The following ZNF565 variants were observed in gnomAD, a reference collection of about 807,000 sequenced individuals.
ZNF565 encodes the protein zinc finger protein 565.
A neutral mutation model predicts 39.4 loss-of-function variants in ZNF565; 27 were observed. The observed-to-expected ratio is 0.69, with a 90% confidence interval of 0.51 to 0.95. The LOEUF (loss-of-function observed/expected upper bound fraction) is 0.95, where lower values mean the gene tolerates loss of function less well. ZNF565 is among the 40% of genes least tolerant of loss of function. ZNF565 has a pLI of 0.00. For missense variants in ZNF565, 524 were observed against 621.1 expected (o/e 0.84, Z 1.66); for synonymous variants, 185 against 216.6 (o/e 0.85, Z 1.28).
At chr19:36,216,220 AACTT>A (rs1309122075), upstream of ZNF565, among the ~76,000 whole-genome samples, 1 of 152,238 alleles carries the variant, frequency 6.6e-6, no homozygotes, top group Non-Finnish European at 1.5e-5. Flanking sequence ...TTGTGGAAGA[AACTT>A]AAAGGTTCAG....
chr19:36,217,399 GAAGA>G (rs967305175), upstream of ZNF565, among the ~76,000 whole-genome samples: 47 of 151,988 alleles, frequency 3.1e-4, no homozygotes, highest in African/African-American at 1.1e-3. Flanking sequence ...GAGAGAGAGA[GAAGA>G]AAGAAAAGAA....
chr19:36,220,450 C>T (rs942292488), intron 1 of ZNF565, among the ~76,000 whole-genome samples: 6 of 151,858 alleles, frequency 4.0e-5, no homozygotes, highest in Admixed American at 6.6e-5. Context: ...CTGCAATCTC[C>T]GCCTCCTGGG....
chr19:36,205,357 A>T (rs2145352991), intron 1 of ZNF565, among the ~76,000 whole-genome samples: 1 of 152,138 alleles, frequency 6.6e-6, no homozygotes, highest in South Asian at 2.1e-4. Context: ...GTGAAACTGC[A>T]TCTCTACTAA....
intron 4 of ZNF565, among the ~76,000 whole-genome samples, chr19:36,188,859 A>C (rs940150680): frequency 1.3e-5 from 2 of 152,230 alleles, no homozygotes; most frequent in African/African-American, 4.8e-5. Context: ...ATTCAGCCAT[A>C]AAAAGAATAA....
chr19:36,236,460 A>G, intron 1 of ZNF565: 1 of 1,606,880 alleles, frequency 6.2e-7, no homozygotes, highest in Non-Finnish European at 8.5e-7. Context: ...CTCAGCCAGC[A>G]GAGAATTTAC....
chr19:36,204,032 C>T (rs1976063131), intron 1 of ZNF565, among the ~76,000 whole-genome samples: 1 of 151,514 alleles, frequency 6.6e-6, no homozygotes, highest in African/African-American at 2.4e-5. Context: ...TCACTGCAAC[C>T]TCTGCCTCCC....
chr19:36,219,973 T>C (rs1976766113), intron 1 of ZNF565, among the ~76,000 whole-genome samples: 1 of 152,186 alleles, frequency 6.6e-6, no homozygotes, highest in Admixed American at 6.6e-5. Context: ...CCTAAAGTTG[T>C]GTATATTTAG....
upstream of ZNF565, among the ~76,000 whole-genome samples, chr19:36,217,025 A>C (rs1008267102): frequency 2.8e-5 from 4 of 143,786 alleles, no homozygotes; most frequent in East Asian, 8.3e-4. Flanking sequence ...TGGCGACAGC[A>C]TTCCAGCTTG....
intron 2 of ZNF565, 104 bp from the exon 3 acceptor site, chr19:36,195,260 G>A: frequency 7.2e-7 from 1 of 1,384,716 alleles, no homozygotes; most frequent in Admixed American, 2.2e-5. Context: ...TGACAGTAAT[G>A]GCCCCCCGAT....
At chr19:36,196,147 A>G (rs987302683) in intron 2 of ZNF565, among the ~76,000 whole-genome samples, 1 of 150,588 alleles carries the variant, frequency 6.6e-6, no homozygotes, top group African/African-American at 2.4e-5. Flanking sequence ...ATGTTAGTCA[A>G]TCTTGAACTC....
Position 36,202,022 on chromosome 19 carries a change from G to A in ZNF565, c.-37C>T. The A allele has an allele frequency of 6.2e-7, 1 of 1,613,878 alleles. No individual in the cohort carries two copies. Among genetic ancestry groups the A allele is most frequent in the Non-Finnish European group, 8.5e-7 (1 of 1,179,812 alleles). ...CTATTTGACCTGCTCTGATTTCTCT[G>A]GATTCTTCTCTTGGACAAGTGCAGA... On this transcript the variant is annotated 5_prime_UTR_variant, in exon 2 of 5. Coordinates refer to ENST00000304116, the MANE Select transcript of ZNF565 (RefSeq NM_152477.5).
At chr19:36,205,237 G>A (rs1342862554) in intron 1 of ZNF565, among the ~76,000 whole-genome samples, 1 of 151,804 alleles carries the variant, frequency 6.6e-6, no homozygotes, top group Non-Finnish European at 1.5e-5. Context: ...TTTAAAAAAG[G>A]TAGGTTTTCA....
At position 36,223,432 on chromosome 19, in the gene ZNF565, G is replaced by A. The variant is rs1034431693; in HGVS notation, c.56-21382C>T. On this transcript the variant is annotated intron_variant, in intron 1 of 4. Coordinates refer to the ZNF565 transcript ENST00000355114. ...GGCTGGAATGCAGTGGTGCGATTTC[G>A]GCTCACTGCAAGCTCCGCCTCCCGG... Among the ~76,000 whole-genome samples, 11 of 151,062 alleles carry A rather than the reference G, an allele frequency of 7.3e-5. No homozygotes were observed. In the East Asian group the frequency reaches 9.9e-4, roughly 14 times the overall value.
chr19:36,243,191 G>A (rs2918380), intron 1 of ZNF565, among the ~76,000 whole-genome samples: 52,093 of 151,766 alleles, frequency 0.34, 9,468 homozygotes, highest in South Asian at 0.48. Flanking sequence ...CCTCCACCAC[G>A]CCCGGCTAAT....
At chr19:36,210,419 C>CAAAAAAAAAAAAAAAAAAAAA (rs35345882) in intron 1 of ZNF565, among the ~76,000 whole-genome samples, 1 of 67,030 alleles carries the variant, frequency 1.5e-5, no homozygotes, top group Non-Finnish European at 2.7e-5. Flanking sequence ...AATTCTGTCT[C>CAAAAAAAAAAAAAAAAAAAAA]AAAAAAAAAA....
chr19:36,195,262 C>T (rs1975715371), intron 2 of ZNF565, 106 bp from the exon 3 acceptor site: 2 of 1,348,304 alleles, frequency 1.5e-6, no homozygotes, highest in East Asian at 4.7e-5. Flanking sequence ...ACAGTAATGG[C>T]CCCCCGATAT....
At chr19:36,214,936 A>G, upstream of ZNF565, 1 of 152,656 alleles carries the variant, frequency 6.6e-6, no homozygotes, top group Non-Finnish European at 1.5e-5. Flanking sequence ...TCGCGGGGGG[A>G]GGGGAGGAGA....
At chr19:36,200,882 TAA>T (rs1975938923) in intron 2 of ZNF565, among the ~76,000 whole-genome samples, 1 of 151,974 alleles carries the variant, frequency 6.6e-6, no homozygotes, top group Non-Finnish European at 1.5e-5. Flanking sequence ...CCTCCTAGGT[TAA>T]AGTGATTCTC....
chr19:36,217,091 C>G (rs370368563), upstream of ZNF565, among the ~76,000 whole-genome samples: 46 of 106,622 alleles, frequency 4.3e-4, no homozygotes, highest in East Asian at 0.012. Flanking sequence ...GAGATGGAGT[C>G]TCTCTCTCTT....
Sources: allele counts gnomAD v4.1 joint callset (sites outside exome capture counted in the v4.1 genomes callset), GRCh38; gene constraint gnomAD v4.1.1; transcripts MANE v1.5; gene names NCBI Gene and HGNC (gene_info 2026-07-23, HGNC 2026-07-21).